PPP1R9A: variants seen among roughly 807,000 people sequenced by gnomAD.
PPP1R9A encodes the protein neurabin-1.
PPP1R9A carries 59 observed loss-of-function variants against 141.9 expected under a neutral mutation model. The observed-to-expected ratio is 0.42, with a 90% CI of 0.34 to 0.52. PPP1R9A has a LOEUF of 0.52. Among genes scored for constraint, PPP1R9A ranks in the 20% least tolerant of loss-of-function variants. PPP1R9A has a pLI of 0.10. For missense variants in PPP1R9A, 1,444 were observed against 1,611.9 expected (o/e 0.90, Z 1.78); for synonymous variants, 500 against 569.7 (o/e 0.88, Z 1.74).
chr7:94,939,242 G>A (rs1795077135), intron 2 of PPP1R9A, among the ~76,000 whole-genome samples: 1 of 151,940 alleles, frequency 6.6e-6, no homozygotes. Flanking sequence ...TGTTGTTTTG[G>A]GAATTAAATT....
At chr7:95,255,981 G>T (rs764013046) in intron 12 of PPP1R9A, among the ~76,000 whole-genome samples, 4 of 152,038 alleles carry the variant, frequency 2.6e-5, no homozygotes, top group Non-Finnish European at 4.4e-5. Context: ...ACCAAGTGCT[G>T]CTTCATTTCA....
At chr7:95,167,863 AG>A (rs1483991482) in intron 5 of PPP1R9A, among the ~76,000 whole-genome samples, 2 of 152,170 alleles carry the variant, frequency 1.3e-5, no homozygotes, top group Admixed American at 1.3e-4. Flanking sequence ...GACCTTCACA[AG>A]GAAAACTACA....
chr7:94,967,727 A>T (rs1480191595), intron 2 of PPP1R9A, among the ~76,000 whole-genome samples: 3 of 151,546 alleles, frequency 2.0e-5, no homozygotes, highest in Non-Finnish European at 4.4e-5. Flanking sequence ...CTCTTGAGTG[A>T]GTTTCTTAAT....
chr7:95,028,371 T>C (rs1807189997), intron 2 of PPP1R9A, among the ~76,000 whole-genome samples: 1 of 152,196 alleles, frequency 6.6e-6, no homozygotes, highest in South Asian at 2.1e-4. Flanking sequence ...ATGAGAAATA[T>C]GAAATTTTCT....
At chr7:95,070,099 C>T (rs553632502) in intron 2 of PPP1R9A, among the ~76,000 whole-genome samples, 1 of 152,212 alleles carries the variant, frequency 6.6e-6, no homozygotes, top group South Asian at 2.1e-4. Context: ...CCTAGCCCTA[C>T]TTACAGAAAA....
chr7:95,068,954 T>A (rs1017733865), intron 2 of PPP1R9A, among the ~76,000 whole-genome samples: 3 of 152,198 alleles, frequency 2.0e-5, no homozygotes, highest in Admixed American at 2.0e-4. Flanking sequence ...TGGAGTTTAT[T>A]ACTACCCAAA....
chr7:95,222,367 T>A (rs1794581318), intron 7 of PPP1R9A, among the ~76,000 whole-genome samples: 1 of 152,032 alleles, frequency 6.6e-6, no homozygotes, highest in Admixed American at 6.6e-5. Context: ...TTAATTGACC[T>A]TAGGTATGGT....
chr7:95,070,824 A>G (rs984757368), intron 2 of PPP1R9A, among the ~76,000 whole-genome samples: 3 of 151,754 alleles, frequency 2.0e-5, no homozygotes, highest in African/African-American at 7.3e-5. Flanking sequence ...TTGTTCTTTC[A>G]AGAGTATTAT....
chr7:94,947,184 C>T (rs1443891853), intron 2 of PPP1R9A, among the ~76,000 whole-genome samples: 1 of 152,150 alleles, frequency 6.6e-6, no homozygotes, highest in Non-Finnish European at 1.5e-5. Flanking sequence ...CCCTCTGGAG[C>T]TGGTCAGGTG....
chr7:94,929,967 C>T (rs1793953821), intron 2 of PPP1R9A, among the ~76,000 whole-genome samples: 1 of 152,158 alleles, frequency 6.6e-6, no homozygotes, highest in Non-Finnish European at 1.5e-5. Flanking sequence ...CTACTCTCCC[C>T]ACAAAGGATC....
At chr7:95,147,513 C>T (rs1276225629) in intron 4 of PPP1R9A, among the ~76,000 whole-genome samples, 1 of 152,144 alleles carries the variant, frequency 6.6e-6, no homozygotes, top group Admixed American at 6.5e-5. Context: ...ATTGCCCTGG[C>T]TAGAACTTCC....
chr7:95,089,737 A>G (rs1333477065), intron 2 of PPP1R9A, among the ~76,000 whole-genome samples: 1 of 151,376 alleles, frequency 6.6e-6, no homozygotes, highest in East Asian at 1.9e-4. Flanking sequence ...TTTTTTCTGA[A>G]TTAAACTAAC....
rs552622097 is a variant in PPP1R9A, at chr7:95,135,208, G to A, written c.1649+14376G>A. Reference sequence around the variant, plus strand: ...TATTTACATGTATGTGTACATGTGCGTATTTGTGTATGTGTATGGTATCCT... The same window carrying A: ...TATTTACATGTATGTGTACATGTGCATATTTGTGTATGTGTATGGTATCCT... On this transcript the variant is annotated intron_variant, in intron 4 of 19. Coordinates refer to ENST00000433360, the MANE Select transcript of PPP1R9A (RefSeq NM_001166160.2). Among the ~76,000 whole-genome samples the A allele has an allele frequency of 5.3e-5, 8 of 152,204 alleles. 1 individual carries two copies. The highest frequency in any genetic ancestry group is 2.1e-4 in the South Asian group (1 of 4,818).
At chr7:94,918,838 A>G (rs1792412684) in intron 2 of PPP1R9A, among the ~76,000 whole-genome samples, 1 of 152,220 alleles carries the variant, frequency 6.6e-6, no homozygotes, top group African/African-American at 2.4e-5. Flanking sequence ...AAGTCTAGAG[A>G]GCAATGGCAT....
intron 2 of PPP1R9A, among the ~76,000 whole-genome samples, chr7:95,015,815 T>A (rs1805020997): frequency 6.6e-6 from 1 of 152,032 alleles, no homozygotes; most frequent in East Asian, 1.9e-4. Context: ...TTTGGGAGGC[T>A]AAGGTGGGAG....
At chr7:95,280,350 T>C (rs854535) in intron 16 of PPP1R9A, among the ~76,000 whole-genome samples, 57,086 of 152,048 alleles carry the variant, frequency 0.38, 11,182 homozygotes, top group Middle Eastern at 0.56. Flanking sequence ...CTTAATGATA[T>C]TTTGATGACA....
intron 2 of PPP1R9A, among the ~76,000 whole-genome samples, chr7:94,950,517 A>G (rs1043297801): frequency 2.6e-5 from 4 of 152,040 alleles, no homozygotes; most frequent in African/African-American, 9.7e-5. Context: ...TGCTCATAAA[A>G]CATTTTTCTT....
At chr7:95,025,202 G>A (rs1373696899) in intron 2 of PPP1R9A, among the ~76,000 whole-genome samples, 1 of 152,038 alleles carries the variant, frequency 6.6e-6, no homozygotes, top group Non-Finnish European at 1.5e-5. Flanking sequence ...GAGTAGTTGA[G>A]ATTACAGGTG....
Position 95,242,574 on chromosome 7 carries a change from A to C in PPP1R9A, c.2113-4899A>C, listed in dbSNP as rs529489021. 3.8e-4 allele frequency among the ~76,000 whole-genome samples: 57 copies of C among 151,268 alleles called. No homozygotes were observed. In the South Asian group the frequency reaches 0.012, roughly 32 times the overall value. On this transcript the variant is annotated intron_variant, in intron 8 of 19. Coordinates refer to ENST00000433360, the MANE Select transcript of PPP1R9A (RefSeq NM_001166160.2). ...TATATCGATCCGGTAATATGAGTGC[A>C]TGTTCTGTATTCATCTTTTTGAAAA...
Sources: gnomAD v4.1 joint callset for allele counts (sites outside exome capture counted in the v4.1 genomes callset) on GRCh38, gnomAD v4.1.1 for gene constraint, MANE v1.5 for transcripts, NCBI Gene and HGNC (gene_info 2026-07-23, HGNC 2026-07-21) for gene names.